The following CTNND2 variants were observed in gnomAD, a reference collection of about 807,000 sequenced individuals.
The protein encoded by CTNND2 is catenin delta 2.
In CTNND2, 22 loss-of-function variants were observed where a neutral mutation model predicts 144.4. That is an observed-to-expected ratio of 0.15 (90% CI 0.11 to 0.22). The LOEUF is 0.22. CTNND2 is among the 10% of genes least tolerant of loss of function. The pLI is 1.00. For missense variants in CTNND2, 1,353 were observed against 1,618.8 expected (o/e 0.84, Z 2.82); for synonymous variants, 751 against 695.6 (o/e 1.08, Z -1.25).
chr5:11,711,637 T>G (rs985872469), intron 2 of CTNND2, among the ~76,000 whole-genome samples: 10 of 152,254 alleles, frequency 6.6e-5, no homozygotes, highest in Non-Finnish European at 8.8e-5. Flanking sequence ...AGATAAATAC[T>G]ATTATTAACT....
chr5:11,697,547 G>A (rs1352269480), intron 2 of CTNND2, among the ~76,000 whole-genome samples: 1 of 152,140 alleles, frequency 6.6e-6, no homozygotes, highest in Non-Finnish European at 1.5e-5. Flanking sequence ...CCATGAGCCA[G>A]GACTGTCCCA....
At chr5:11,772,799 G>A (rs918532451) in intron 1 of CTNND2, among the ~76,000 whole-genome samples, 1 of 152,126 alleles carries the variant, frequency 6.6e-6, no homozygotes, top group Non-Finnish European at 1.5e-5. Context: ...TGAAAATACT[G>A]CATCAGAATA....
In CTNND2 at chr5:11,447,267, G is replaced by T. The variant is rs183319206; in HGVS notation, c.288-35198C>A. On this transcript the variant is annotated intron_variant, in intron 3 of 21. Transcript: ENST00000304623. ...AGGGGCAGGAGAATTGCTTGAACCC[G>T]GGAGGCGGAGGTTGCAATGAGCTGA... is the stretch of plus-strand genomic sequence containing the variant. 1.5e-3 allele frequency among the ~76,000 whole-genome samples: 232 copies of T among 151,900 alleles called. 2 individuals carry two copies. The highest frequency in any genetic ancestry group is 0.01 in the Middle Eastern group (3 of 294).
chr5:11,233,172 T>C (rs947394212), intron 10 of CTNND2, among the ~76,000 whole-genome samples: 15 of 152,166 alleles, frequency 9.9e-5, no homozygotes, highest in African/African-American at 3.6e-4. Flanking sequence ...AGAGGGGAAC[T>C]GAGGAGATGG....
intron 2 of CTNND2, among the ~76,000 whole-genome samples, chr5:11,646,079 C>A (rs1475271871): frequency 6.6e-6 from 1 of 152,048 alleles, no homozygotes; most frequent in Admixed American, 6.6e-5. Flanking sequence ...TTCTTTCTGT[C>A]CTTTTTTCTT....
At chr5:11,621,807 T>C in intron 2 of CTNND2, among the ~76,000 whole-genome samples, 1 of 152,162 alleles carries the variant, frequency 6.6e-6, no homozygotes, top group Non-Finnish European at 1.5e-5. Context: ...ATTTTAAACA[T>C]CTAAGCTGTC....
chr5:11,704,402 T>C (rs951772600), intron 2 of CTNND2, among the ~76,000 whole-genome samples: 1 of 152,174 alleles, frequency 6.6e-6, no homozygotes, highest in Non-Finnish European at 1.5e-5. Flanking sequence ...GAGTAGCAGA[T>C]GGTTCACTTT....
chr5:11,216,586 T>G (rs997428566), intron 10 of CTNND2, among the ~76,000 whole-genome samples: 13 of 152,186 alleles, frequency 8.5e-5, no homozygotes, highest in African/African-American at 3.1e-4. Context: ...AACACAAACC[T>G]GCCAACACTG....
intron 14 of CTNND2, among the ~76,000 whole-genome samples, chr5:11,109,713 C>T (rs778551965): frequency 6.7e-6 from 1 of 149,848 alleles, no homozygotes; most frequent in Non-Finnish European, 1.5e-5. Context: ...AACTTAGTGC[C>T]TTTATGAACA....
chr5:11,881,505 T>G lies in CTNND2; in HGVS notation c.37+22312A>C, dbSNP rs192393789. On this transcript the variant is annotated intron_variant, in intron 1 of 21. Coordinates refer to ENST00000304623, the MANE Select transcript of CTNND2 (RefSeq NM_001332.4). ...CTTCCATGAGATGAAATTTTTTAGC[T>G]CCCACATATGAGTAAGAACATGCGG... 3.0e-3 allele frequency among the ~76,000 whole-genome samples: 452 copies of G among 152,132 alleles called. 1 individual carries two copies. Among genetic ancestry groups the G allele is most frequent in the Non-Finnish European group, 2.9e-3 (197 of 67,950 alleles).
At chr5:11,128,529 G>T (rs1754917199) in intron 12 of CTNND2, among the ~76,000 whole-genome samples, 1 of 150,374 alleles carries the variant, frequency 6.7e-6, no homozygotes, top group African/African-American at 2.4e-5. Context: ...ACAGCAGCAA[G>T]AGGAAACTCA....
chr5:11,847,587 G>GT (rs1267421588), intron 1 of CTNND2, among the ~76,000 whole-genome samples: 1 of 152,000 alleles, frequency 6.6e-6, no homozygotes, highest in Non-Finnish European at 1.5e-5. Flanking sequence ...ACCACAGCAA[G>GT]TAACAATGTA....
At chr5:11,276,673 G>A (rs1049494293) in intron 9 of CTNND2, among the ~76,000 whole-genome samples, 13 of 152,172 alleles carry the variant, frequency 8.5e-5, no homozygotes, top group African/African-American at 1.7e-4. Flanking sequence ...AAAGCAGTGC[G>A]TTTGCAAATG....
intron 11 of CTNND2, among the ~76,000 whole-genome samples, chr5:11,188,059 C>T (rs1045498297): frequency 4.6e-5 from 7 of 152,100 alleles, no homozygotes; most frequent in African/African-American, 1.7e-4. Flanking sequence ...CCATGAAGAC[C>T]TGGAACCAGA....
At chr5:11,297,023 T>A (rs1749096934) in intron 9 of CTNND2, among the ~76,000 whole-genome samples, 1 of 152,224 alleles carries the variant, frequency 6.6e-6, no homozygotes, top group South Asian at 2.1e-4. Flanking sequence ...GACTTTCTGA[T>A]GTGATCATTA....
At chr5:11,358,342 G>A (rs77436388) in intron 8 of CTNND2, among the ~76,000 whole-genome samples, 2,223 of 152,194 alleles carry the variant, frequency 0.015, 58 homozygotes, top group African/African-American at 0.051. Flanking sequence ...CTTTTTAAGT[G>A]AATCCACACA....
intron 2 of CTNND2, among the ~76,000 whole-genome samples, chr5:11,575,566 C>A (rs188462033): frequency 2.0e-5 from 3 of 152,258 alleles, no homozygotes; most frequent in Non-Finnish European, 2.9e-5. Flanking sequence ...ATTTGAGTGA[C>A]AAAGTATGAT....
At chr5:11,628,879 T>C (rs1048689447) in intron 2 of CTNND2, among the ~76,000 whole-genome samples, 1 of 152,224 alleles carries the variant, frequency 6.6e-6, no homozygotes, top group African/African-American at 2.4e-5. Context: ...ATGGCACTTT[T>C]ACTTTTTGCA....
At chr5:11,348,742 T>A (rs574478180) in intron 8 of CTNND2, among the ~76,000 whole-genome samples, 64 of 151,826 alleles carry the variant, frequency 4.2e-4, no homozygotes, top group African/African-American at 1.5e-3. Flanking sequence ...GACCATGAAT[T>A]AAAAGAAAAT....
Sources: gnomAD v4.1 joint callset for allele counts (sites outside exome capture counted in the v4.1 genomes callset) on GRCh38, gnomAD v4.1.1 for gene constraint, MANE v1.5 for transcripts, NCBI Gene and HGNC (gene_info 2026-07-23, HGNC 2026-07-21) for gene names.